Variants in GRIK2 observed in about 807,000 individuals in gnomAD.
GRIK2 encodes glutamate receptor ionotropic, kainate 2.
Under a neutral mutation model 100.3 loss-of-function variants are expected in GRIK2, and 32 were observed. The observed-to-expected ratio is 0.32, with a 90% CI of 0.24 to 0.43. The LOEUF (loss-of-function observed/expected upper bound fraction) is 0.43. GRIK2 is among the 20% of genes least tolerant of loss of function. The pLI, the probability that GRIK2 is intolerant of heterozygous loss-of-function variation, is 1.00. For missense variants in GRIK2, 843 were observed against 1,114.9 expected, an observed-to-expected ratio of 0.76 and a Z score of 3.47; for synonymous variants, 417 against 389.4, an observed-to-expected ratio of 1.07 and a Z score of -0.83.
intron 10 of GRIK2, among the ~76,000 whole-genome samples, chr6:101,856,364 T>C (rs1269576139): frequency 1.3e-5 from 2 of 152,184 alleles, no homozygotes; most frequent in African/African-American, 4.8e-5. Context: ...ACATGTTAAA[T>C]GTGAGCTGTA....
chr6:101,980,425 G>A (rs1793644736), intron 14 of GRIK2, among the ~76,000 whole-genome samples: 1 of 151,862 alleles, frequency 6.6e-6, no homozygotes, highest in Non-Finnish European at 1.5e-5. Flanking sequence ...TTTTTTGTTA[G>A]TGTCAGAAGA....
chr6:101,985,897 T>A (rs750471392), intron 14 of GRIK2, among the ~76,000 whole-genome samples: 96 of 151,820 alleles, frequency 6.3e-4, no homozygotes, highest in Non-Finnish European at 6.3e-4. Context: ...TTCCCCTCAT[T>A]ACAAAATTAT....
At chr6:101,478,752 C>G (rs939950177) in intron 2 of GRIK2, among the ~76,000 whole-genome samples, 1 of 151,932 alleles carries the variant, frequency 6.6e-6, no homozygotes, top group African/African-American at 2.4e-5. Context: ...TCTCGATCTC[C>G]TGACCTCGTG....
chr6:101,875,370 A>G (rs1199394260), intron 11 of GRIK2, among the ~76,000 whole-genome samples: 2 of 151,800 alleles, frequency 1.3e-5, no homozygotes, highest in Non-Finnish European at 2.9e-5. Flanking sequence ...GTCATTTAGA[A>G]TCGGAGCATC....
chr6:101,560,655 AT>A (rs1776961279), intron 2 of GRIK2, among the ~76,000 whole-genome samples: 1 of 151,320 alleles, frequency 6.6e-6, no homozygotes, highest in Non-Finnish European at 1.5e-5. Context: ...AGAAGACATA[AT>A]TTAAGTAATT....
chr6:101,860,946 C>T (rs949102113), intron 11 of GRIK2: 4 of 919,288 alleles, frequency 4.4e-6, no homozygotes, highest in Non-Finnish European at 5.2e-6. Flanking sequence ...TGAAAAAAGA[C>T]CTTTTCCCTG....
chr6:101,432,710 T>C (rs767857168), intron 2 of GRIK2, among the ~76,000 whole-genome samples: 1 of 152,120 alleles, frequency 6.6e-6, no homozygotes, highest in East Asian at 1.9e-4. Context: ...GAATTTGTTA[T>C]GAAAAAGATA....
intron 2 of GRIK2, among the ~76,000 whole-genome samples, chr6:101,566,275 T>C (rs1562230598): frequency 6.6e-6 from 1 of 151,932 alleles, no homozygotes; most frequent in African/African-American, 2.4e-5. Context: ...AAACATGTAG[T>C]GTATATTTTG....
chr6:101,870,984 C>A (rs1035391757), intron 11 of GRIK2, among the ~76,000 whole-genome samples: 1 of 151,918 alleles, frequency 6.6e-6, no homozygotes, highest in Middle Eastern at 3.4e-3. Context: ...AATAAACATA[C>A]ACAAAAATCA....
In GRIK2 at chr6:102,033,214, A is replaced by G. The variant is rs1318681372; in HGVS notation, c.2086-2127A>G. ...ATTTATATATGTGTAAACTTTTATT[A>G]TTACTATTAATATTTATTTTGCTTG... is the stretch of plus-strand genomic sequence containing the variant. On this transcript the variant is annotated intron_variant, in intron 14 of 16. Transcript: ENST00000369134. Among the ~76,000 whole-genome samples the G allele has an allele frequency of 4.0e-5, 6 of 151,292 alleles. No individual in the cohort carries two copies. The East Asian group carries it at 9.7e-4, about 25-fold the overall frequency.
intron 2 of GRIK2, among the ~76,000 whole-genome samples, chr6:101,436,498 G>T (rs1769720941): frequency 1.3e-5 from 2 of 151,992 alleles, no homozygotes; most frequent in Admixed American, 6.6e-5. Flanking sequence ...ATAGAGTGGG[G>T]GTGTGGTAGA....
At chr6:101,854,813 A>G (rs1418118576) in intron 10 of GRIK2, among the ~76,000 whole-genome samples, 1 of 152,192 alleles carries the variant, frequency 6.6e-6, no homozygotes, top group East Asian at 1.9e-4. Flanking sequence ...GGAAGATATT[A>G]TAATGAGTTC....
chr6:101,964,215 A>G (rs1362711102), intron 14 of GRIK2, among the ~76,000 whole-genome samples: 1 of 151,364 alleles, frequency 6.6e-6, no homozygotes, highest in East Asian at 1.9e-4. Flanking sequence ...AAGATTATAG[A>G]TACATGATAT....
chr6:101,727,455 G>T (rs1774950295), intron 7 of GRIK2, among the ~76,000 whole-genome samples: 1 of 152,098 alleles, frequency 6.6e-6, no homozygotes. Context: ...AGTCTGCAAA[G>T]ACTCCATGTG....
At chr6:101,671,204 C>A (rs1453551463) in intron 4 of GRIK2, among the ~76,000 whole-genome samples, 1 of 151,964 alleles carries the variant, frequency 6.6e-6, no homozygotes, top group Non-Finnish European at 1.5e-5. Flanking sequence ...CGTTTTAGTA[C>A]CACTTTACAT....
chr6:102,001,427 A>C (rs1289901433), intron 14 of GRIK2, among the ~76,000 whole-genome samples: 1 of 150,662 alleles, frequency 6.6e-6, no homozygotes. Context: ...TCATTGCTCA[A>C]CTCCCGCTTA....
chr6:101,483,696 C>T (rs563776217), intron 2 of GRIK2, among the ~76,000 whole-genome samples: 9 of 152,312 alleles, frequency 5.9e-5, no homozygotes, highest in Admixed American at 1.3e-4. Flanking sequence ...CTGCCTCAGC[C>T]TCCTGAGTAG....
At chr6:101,398,871 C>CA (rs1328091202) in intron 1 of GRIK2, 114 bp from the exon 2 acceptor site, 1 of 424,060 alleles carries the variant, frequency 2.4e-6, no homozygotes, top group East Asian at 3.5e-5. Flanking sequence ...TAGGGCCTGG[C>CA]AAAACCTTTG....
intron 2 of GRIK2, among the ~76,000 whole-genome samples, chr6:101,545,893 A>G (rs1007781490): frequency 4.0e-5 from 6 of 151,564 alleles, no homozygotes; most frequent in East Asian, 1.9e-4. Flanking sequence ...CCTTTCTCCT[A>G]TTTCCAAGAG....
Sources: allele counts gnomAD v4.1 joint callset (sites outside exome capture counted in the v4.1 genomes callset), GRCh38; gene constraint gnomAD v4.1.1; transcripts MANE v1.5; gene names NCBI Gene and HGNC (gene_info 2026-07-23, HGNC 2026-07-21).